PTPRN2: variants seen among roughly 807,000 people sequenced by gnomAD.
PTPRN2 encodes receptor-type tyrosine-protein phosphatase N2.
A neutral mutation model predicts 118.8 loss-of-function variants in PTPRN2; 74 were observed. That is an observed-to-expected ratio of 0.62 (90% CI 0.52 to 0.76). PTPRN2 has a LOEUF of 0.76. Among genes scored for constraint, PTPRN2 ranks in the 30% least tolerant of loss-of-function variants. PTPRN2 has a pLI of 0.00. For synonymous variants in PTPRN2, 641 were observed against 608.0 expected (o/e 1.05, Z -0.80); for missense variants, 1,481 against 1,394.4 (o/e 1.06, Z -0.99).
intron 11 of PTPRN2, among the ~76,000 whole-genome samples, chr7:157,926,145 G>A (rs373545359): frequency 0.028 from 793 of 28,550 alleles, 11 homozygotes; most frequent in African/African-American, 0.1. Context: ...GAGGGTCCAC[G>A]CGTTACCTCC....
At chr7:158,400,197 T>C (rs867735370) in intron 2 of PTPRN2, among the ~76,000 whole-genome samples, 26 of 152,114 alleles carry the variant, frequency 1.7e-4, no homozygotes, top group African/African-American at 4.1e-4. Flanking sequence ...ATCAAGAATT[T>C]TGCCAAAAGA....
intron 12 of PTPRN2, among the ~76,000 whole-genome samples, chr7:157,688,758 T>G (rs1797319699): frequency 6.6e-6 from 1 of 152,140 alleles, no homozygotes; most frequent in African/African-American, 2.4e-5. Context: ...AACCCCTCTG[T>G]GGCACGACTT....
intron 11 of PTPRN2, among the ~76,000 whole-genome samples, chr7:158,007,924 GGTGT>G (rs1346293276): frequency 6.6e-6 from 1 of 150,482 alleles, no homozygotes; most frequent in South Asian, 2.1e-4. Flanking sequence ...CGTGTGTGAG[GGTGT>G]GTGTGGCTGT....
intron 11 of PTPRN2, among the ~76,000 whole-genome samples, chr7:158,036,206 A>G (rs1808079253): frequency 6.6e-6 from 1 of 152,244 alleles, no homozygotes; most frequent in Non-Finnish European, 1.5e-5. Context: ...GCACAACAGA[A>G]ACGTAATTGG....
chr7:157,839,463 C>T (rs961269116), intron 12 of PTPRN2, among the ~76,000 whole-genome samples: 5 of 150,728 alleles, frequency 3.3e-5, no homozygotes, highest in Non-Finnish European at 7.4e-5. Flanking sequence ...GGTTGTGTGA[C>T]TGTGTGGGAG....
intron 6 of PTPRN2, among the ~76,000 whole-genome samples, chr7:158,163,603 G>A (rs78327192): frequency 3.5e-3 from 408 of 115,752 alleles, no homozygotes; most frequent in Middle Eastern, 8.3e-3. Context: ...TTCATAGGTG[G>A]CGCCTGTACG....
chr7:157,807,011 A>C (rs1032846342), intron 12 of PTPRN2, among the ~76,000 whole-genome samples: 1 of 152,140 alleles, frequency 6.6e-6, no homozygotes, highest in African/African-American at 2.4e-5. Flanking sequence ...ACCTCCTTCT[A>C]GCAGAAAGCT....
At chr7:157,776,348 T>C (rs1157423086) in intron 12 of PTPRN2, among the ~76,000 whole-genome samples, 93 of 17,910 alleles carry the variant, frequency 5.2e-3, no homozygotes, top group Non-Finnish European at 5.5e-3. Flanking sequence ...TCCTCCTCCT[T>C]CTCCTCTTCC....
At chr7:157,714,215 C>T (rs1179505882) in intron 12 of PTPRN2, among the ~76,000 whole-genome samples, 2 of 152,212 alleles carry the variant, frequency 1.3e-5, no homozygotes, top group Non-Finnish European at 2.9e-5. Context: ...AATGTTTAAA[C>T]CTGTGTGCAT....
chr7:157,757,450 G>A (rs1241510391), intron 12 of PTPRN2, among the ~76,000 whole-genome samples: 1 of 152,158 alleles, frequency 6.6e-6, no homozygotes, highest in Non-Finnish European at 1.5e-5. Context: ...GGCCGGTGGG[G>A]ACAAGGAGGA....
intron 1 of PTPRN2, among the ~76,000 whole-genome samples, chr7:158,501,358 TCAG>T (rs1281668530): frequency 1.3e-5 from 2 of 152,292 alleles, no homozygotes; most frequent in Admixed American, 1.3e-4. Flanking sequence ...CCCCCCGATT[TCAG>T]CAGATGGAGC....
At chr7:158,475,942 C>A (rs1820222196) in intron 2 of PTPRN2, among the ~76,000 whole-genome samples, 1 of 152,162 alleles carries the variant, frequency 6.6e-6, no homozygotes, top group Non-Finnish European at 1.5e-5. Context: ...CTTGAAAATC[C>A]AGGGCTGCAC....
At chr7:157,571,698 C>T (rs1294784384) in intron 19 of PTPRN2, among the ~76,000 whole-genome samples, 2 of 152,148 alleles carry the variant, frequency 1.3e-5, no homozygotes, top group Non-Finnish European at 2.9e-5. Context: ...AGCTTTAAAA[C>T]CAATGTTACA....
At position 157,881,715 on chromosome 7, in the gene PTPRN2, G is replaced by A. The variant is rs1377711634; in HGVS notation, c.1788+16958C>T. 1.3e-5 allele frequency among the ~76,000 whole-genome samples: 2 copies of A among 151,050 alleles called. No homozygotes were observed. The highest frequency in any genetic ancestry group is 2.4e-5 in the African/African-American group (1 of 40,886). ...TCAACAGAAGAAAGTTACTTCTTAAGAATGTTCTTTTTGCTTTATGATCTC... is the reference window on the plus strand; with the variant it reads ...TCAACAGAAGAAAGTTACTTCTTAAAAATGTTCTTTTTGCTTTATGATCTC... On this transcript the variant is annotated intron_variant, in intron 12 of 22. Transcript: ENST00000389418. This position sits in a 1 kb window ranked among gnomAD's most constrained non-coding sequence, Gnocchi z 4.7.
At chr7:157,569,392 G>A (rs1421360019) in intron 20 of PTPRN2, among the ~76,000 whole-genome samples, 1 of 152,250 alleles carries the variant, frequency 6.6e-6, no homozygotes, top group Admixed American at 6.5e-5. Flanking sequence ...GGCGCTGGGC[G>A]GCTGGGCCCC....
intron 21 of PTPRN2, among the ~76,000 whole-genome samples, chr7:157,561,249 C>T (rs931862577): frequency 1.3e-5 from 2 of 152,012 alleles, no homozygotes; most frequent in Non-Finnish European, 1.5e-5. Context: ...CCGGTCTCCC[C>T]GCCCTCTGGT....
At chr7:157,931,841 T>C (rs1799378068) in intron 11 of PTPRN2, among the ~76,000 whole-genome samples, 2 of 152,184 alleles carry the variant, frequency 1.3e-5, no homozygotes, top group South Asian at 4.1e-4. Flanking sequence ...AGCATGAGCA[T>C]GTGCACAAAA....
chr7:157,887,155 C>G (rs1379771046), intron 12 of PTPRN2, among the ~76,000 whole-genome samples: 1 of 151,844 alleles, frequency 6.6e-6, no homozygotes, highest in Non-Finnish European at 1.5e-5. Flanking sequence ...TGACCTCCCA[C>G]CAACCAAAGG....
chr7:157,650,822 G>A (rs1162532497), intron 14 of PTPRN2, among the ~76,000 whole-genome samples: 1 of 152,254 alleles, frequency 6.6e-6, no homozygotes, highest in Non-Finnish European at 1.5e-5. Context: ...GGGACATCTG[G>A]CATGGTTTCG....
Sources: gnomAD v4.1 joint callset for allele counts (sites outside exome capture counted in the v4.1 genomes callset) on GRCh38, gnomAD v4.1.1 for gene constraint, Gnocchi (gnomAD v3.1) non-coding constraint, MANE v1.5 for transcripts, NCBI Gene and HGNC (gene_info 2026-07-23, HGNC 2026-07-21) for gene names.